FANK1: variants seen among roughly 807,000 people sequenced by gnomAD.
FANK1 encodes the protein fibronectin type III and ankyrin repeat domains 1.
In FANK1, 44 loss-of-function variants were observed where a neutral mutation model predicts 45.3. The observed-to-expected ratio is 0.97, with a 90% CI of 0.76 to 1.25. The LOEUF (loss-of-function observed/expected upper bound fraction) is 1.25. FANK1 is among the 50% of genes most tolerant of loss of function. The pLI is 0.00. For synonymous variants in FANK1, 149 were observed against 152.5 expected (o/e 0.98, Z 0.17); for missense variants, 391 against 424.4 (o/e 0.92, Z 0.69).
intron 1 of FANK1, among the ~76,000 whole-genome samples, chr10:125,954,721 A>C (rs1590029352): frequency 6.6e-6 from 1 of 152,120 alleles, no homozygotes; most frequent in African/African-American, 2.4e-5. Flanking sequence ...GGAGTTCGAG[A>C]CCAGCCTGGC....
chr10:125,980,060 C>A, intron 1 of FANK1, 101 bp from the exon 2 acceptor site: 1 of 1,273,862 alleles, frequency 7.9e-7, no homozygotes, highest in Non-Finnish European at 1.1e-6. Context: ...GCCTTATGCT[C>A]AGAAAAATAG....
chr10:125,967,626 C>T (rs1303075751), intron 1 of FANK1, among the ~76,000 whole-genome samples: 2 of 152,066 alleles, frequency 1.3e-5, no homozygotes, highest in African/African-American at 2.4e-5. Context: ...TTTTTTGAGA[C>T]AGGGTCTCAT....
intron 1 of FANK1, among the ~76,000 whole-genome samples, chr10:125,979,277 C>T (rs982961825): frequency 6.6e-6 from 1 of 152,132 alleles, no homozygotes; most frequent in African/African-American, 2.4e-5. Context: ...TGTATTCACT[C>T]GCCCCTTCTG....
intron 1 of FANK1, among the ~76,000 whole-genome samples, chr10:125,949,469 C>G (rs1211437745): frequency 6.6e-6 from 1 of 152,042 alleles, no homozygotes; most frequent in Non-Finnish European, 1.5e-5. Flanking sequence ...TTCTTATACA[C>G]CAACAAAAAC....
At chr10:125,935,419 C>G (rs993194776) in intron 1 of FANK1, among the ~76,000 whole-genome samples, 1 of 152,160 alleles carries the variant, frequency 6.6e-6, no homozygotes, top group African/African-American at 2.4e-5. Context: ...TTGTCTCTTA[C>G]TTCCTAGTTG....
chr10:125,900,587 A>T (rs533716325), intron 1 of FANK1, among the ~76,000 whole-genome samples: 11 of 152,268 alleles, frequency 7.2e-5, no homozygotes, highest in African/African-American at 2.6e-4. Flanking sequence ...GTATTTTAAA[A>T]ATCCAGCAGG....
At chr10:125,989,854 G>A (rs1028711126) in intron 3 of FANK1, among the ~76,000 whole-genome samples, 4 of 152,194 alleles carry the variant, frequency 2.6e-5, no homozygotes, top group Non-Finnish European at 5.9e-5. Context: ...GGAGGAAGAG[G>A]TGGCAAAGGG....
At chr10:126,005,298 ACTTT>A (rs1351293996) in intron 7 of FANK1, among the ~76,000 whole-genome samples, 1 of 142,996 alleles carries the variant, frequency 7.0e-6, no homozygotes, top group African/African-American at 2.6e-5. Context: ...TGATGCTTCT[ACTTT>A]CTTTCTTTTT....
chr10:125,918,710 A>G (rs565690606), intron 1 of FANK1, among the ~76,000 whole-genome samples: 5 of 150,916 alleles, frequency 3.3e-5, no homozygotes, highest in Admixed American at 2.6e-4. Flanking sequence ...ACTAATCCTT[A>G]GAACAACTTT....
chr10:125,932,526 G>A (rs891467161), intron 1 of FANK1, among the ~76,000 whole-genome samples: 8 of 152,232 alleles, frequency 5.3e-5, no homozygotes, highest in Admixed American at 5.2e-4. Context: ...GTATAGAAGA[G>A]CTACTGATTT....
At chr10:125,940,121 C>T (rs1948353881) in intron 1 of FANK1, among the ~76,000 whole-genome samples, 1 of 151,982 alleles carries the variant, frequency 6.6e-6, no homozygotes, top group Non-Finnish European at 1.5e-5. Flanking sequence ...GGGTATTTCT[C>T]ATCAGGTGGG....
chr10:125,918,732 A>G (rs1185392418), intron 1 of FANK1, among the ~76,000 whole-genome samples: 20 of 151,298 alleles, frequency 1.3e-4, no homozygotes, highest in Admixed American at 1.1e-3. Flanking sequence ...TTCAGTAAAT[A>G]TTATTCCTGG....
At chr10:125,949,762 CTACTT>C (rs1949071692) in intron 1 of FANK1, among the ~76,000 whole-genome samples, 1 of 150,334 alleles carries the variant, frequency 6.7e-6, no homozygotes, top group South Asian at 2.2e-4. Flanking sequence ...TGGAAAAAAA[CTACTT>C]TAAAGTTCAT....
intron 1 of FANK1, among the ~76,000 whole-genome samples, chr10:125,914,971 G>T (rs764303117): frequency 1.3e-5 from 2 of 152,158 alleles, no homozygotes; most frequent in Non-Finnish European, 2.9e-5. Context: ...ACTTGACAAA[G>T]CCCAGGGAAT....
At chr10:125,942,033 T>C (rs568125377) in intron 1 of FANK1, among the ~76,000 whole-genome samples, 1 of 152,348 alleles carries the variant, frequency 6.6e-6, no homozygotes, top group East Asian at 1.9e-4. Context: ...ATGTGCCTTT[T>C]ACATTTTATT....
chr10:125,975,473 G>A (rs1315819440), intron 1 of FANK1, among the ~76,000 whole-genome samples: 3 of 152,136 alleles, frequency 2.0e-5, no homozygotes, highest in Non-Finnish European at 2.9e-5. Context: ...GTGTATAAAG[G>A]TTCCCTTTGT....
chr10:125,941,273 T>G (rs1948437340), intron 1 of FANK1, among the ~76,000 whole-genome samples: 1 of 152,064 alleles, frequency 6.6e-6, no homozygotes, highest in African/African-American at 2.4e-5. Context: ...AAGCAACATA[T>G]GGACAATAGA....
intron 1 of FANK1, among the ~76,000 whole-genome samples, chr10:125,899,145 C>T (rs1261720528): frequency 1.3e-5 from 2 of 152,220 alleles, no homozygotes; most frequent in Admixed American, 6.5e-5. Context: ...ACTGCAACCT[C>T]CGCCTCCCGG....
At chr10:125,999,637 G>A (rs1952610149) in intron 6 of FANK1, among the ~76,000 whole-genome samples, 1 of 152,166 alleles carries the variant, frequency 6.6e-6, no homozygotes, top group African/African-American at 2.4e-5. Context: ...GGAGAGTGGT[G>A]GAGAGCTTGA....
Sources: allele counts gnomAD v4.1 joint callset (sites outside exome capture counted in the v4.1 genomes callset), GRCh38; gene constraint gnomAD v4.1.1; transcripts MANE v1.5; gene names NCBI Gene and HGNC (gene_info 2026-07-23, HGNC 2026-07-21).